STRN3: variants seen among roughly 807,000 people sequenced by gnomAD.
STRN3 encodes the protein striatin-3.
Under a neutral mutation model 95.6 loss-of-function variants are expected in STRN3, and 29 were observed. The ratio of observed to expected loss-of-function variants is 0.30; its 90% CI spans 0.23 to 0.41. The LOEUF is 0.41. Among genes scored for constraint, STRN3 ranks in the 10% least tolerant of loss-of-function variants. The pLI is 1.00. For missense variants in STRN3, 890 were observed against 972.1 expected, an observed-to-expected ratio of 0.92 and a Z score of 1.12; for synonymous variants, 331 against 357.6, an observed-to-expected ratio of 0.93 and a Z score of 0.84.
At chr14:30,925,276 G>C (rs540343032) in intron 8 of STRN3, among the ~76,000 whole-genome samples, 3 of 152,032 alleles carry the variant, frequency 2.0e-5, no homozygotes, top group Non-Finnish European at 4.4e-5. Flanking sequence ...TGGAGTGAAC[G>C]AGTTGGGAGA....
chr14:30,913,479 CCTT>C (rs1896660525), intron 10 of STRN3, 42 bp downstream of exon 10: 4 of 1,506,864 alleles, frequency 2.7e-6, no homozygotes, highest in African/African-American at 1.4e-5. Context: ...AAATAAGGAG[CCTT>C]CTATTAAATC....
At chr14:30,963,350 T>C (rs1054408606) in intron 1 of STRN3, among the ~76,000 whole-genome samples, 1 of 152,176 alleles carries the variant, frequency 6.6e-6, no homozygotes, top group African/African-American at 2.4e-5. Flanking sequence ...ACATCTTAAG[T>C]GCACATGGGA....
At chr14:30,984,270 A>T (rs1377167873) in intron 1 of STRN3, among the ~76,000 whole-genome samples, 1 of 23,508 alleles carries the variant, frequency 4.3e-5, no homozygotes, top group South Asian at 6.5e-4. Context: ...GAATTCTAAA[A>T]AAAAAAAAAA....
At chr14:31,018,810 T>G (rs1039097781) in intron 1 of STRN3, 1 of 438,100 alleles carries the variant, frequency 2.3e-6, no homozygotes, top group Non-Finnish European at 4.4e-6. Context: ...ACTCAGTAAC[T>G]TCAAGCACTA....
At chr14:30,938,985 T>TC (rs1237828289) in intron 5 of STRN3, among the ~76,000 whole-genome samples, 2 of 152,112 alleles carry the variant, frequency 1.3e-5, no homozygotes, top group African/African-American at 4.8e-5. Context: ...GATCCTGAAA[T>TC]AAGTCATAAA....
At chr14:30,943,904 A>C (rs1454395867) in intron 5 of STRN3, among the ~76,000 whole-genome samples, 2 of 152,104 alleles carry the variant, frequency 1.3e-5, no homozygotes, top group Non-Finnish European at 2.9e-5. Flanking sequence ...CTGCTGTTCG[A>C]AAGTTATTGT....
intron 8 of STRN3, among the ~76,000 whole-genome samples, chr14:30,928,004 TCATG>T (rs2139044938): frequency 6.6e-6 from 1 of 150,554 alleles, no homozygotes; most frequent in South Asian, 2.1e-4. Context: ...ACATAGTCAA[TCATG>T]CAAATGTACT....
chr14:31,006,566 G>A (rs1048068249), intron 1 of STRN3, among the ~76,000 whole-genome samples: 4 of 151,970 alleles, frequency 2.6e-5, no homozygotes, highest in Admixed American at 1.3e-4. Context: ...CATGGTGGTG[G>A]GCACCTGTAA....
chr14:30,902,041 C>A (rs1896330889), intron 16 of STRN3, among the ~76,000 whole-genome samples: 1 of 151,618 alleles, frequency 6.6e-6, no homozygotes, highest in South Asian at 2.1e-4. Flanking sequence ...TATGGTGGTG[C>A]ATGCCTGTAA....
At chr14:31,012,913 A>T (rs901097748) in intron 1 of STRN3, among the ~76,000 whole-genome samples, 77 of 151,872 alleles carry the variant, frequency 5.1e-4, no homozygotes, top group African/African-American at 1.7e-3. Flanking sequence ...AAAAAAAAGT[A>T]AGGATGCTCT....
chr14:30,905,660 A>G (rs1018984744), intron 14 of STRN3, 102 bp from the exon 15 acceptor site: 1 of 1,265,888 alleles, frequency 7.9e-7, no homozygotes, highest in African/African-American at 1.5e-5. Flanking sequence ...AGGAATTCAA[A>G]TAGTCTTGAA....
rs535563443 is a variant in STRN3 at position 30,976,101 on chromosome 14, T to G, written c.283-19859A>C. Among the ~76,000 whole-genome samples, 24 of 152,196 alleles carry G rather than the reference T, an allele frequency of 1.6e-4. No individual in the cohort carries two copies. In the South Asian group the frequency reaches 4.8e-3, roughly 30 times the overall value. ...TCACTTTAAATGTGAATTATTTAAA[T>G]AAGCCAATCAAAAGAGACTGTTGTA... On this transcript the variant is annotated intron_variant, in intron 1 of 17. Transcript: ENST00000357479.
At chr14:30,923,838 G>A (rs1342270529) in intron 8 of STRN3, among the ~76,000 whole-genome samples, 1 of 152,066 alleles carries the variant, frequency 6.6e-6, no homozygotes, top group East Asian at 1.9e-4. Flanking sequence ...ATTTTTAGCT[G>A]CTCTCTCATA....
At chr14:30,955,203 T>G (rs568416562) in intron 3 of STRN3, among the ~76,000 whole-genome samples, 2 of 152,150 alleles carry the variant, frequency 1.3e-5, no homozygotes, top group Non-Finnish European at 2.9e-5. Context: ...GCTCTAAAGT[T>G]CTGCTGCTAA....
intron 1 of STRN3, among the ~76,000 whole-genome samples, chr14:31,012,150 C>A (rs1688872900): frequency 6.6e-6 from 1 of 152,220 alleles, no homozygotes; most frequent in South Asian, 2.1e-4. Flanking sequence ...TTTTTGTTAT[C>A]TGAGATATCT....
chr14:30,985,077 G>A (rs553359809), intron 1 of STRN3, among the ~76,000 whole-genome samples: 4 of 152,024 alleles, frequency 2.6e-5, no homozygotes, highest in African/African-American at 9.7e-5. Context: ...AGCACTTTGG[G>A]AGGCCGAGGT....
chr14:30,914,680 G>A (rs373281696), intron 9 of STRN3, among the ~76,000 whole-genome samples: 1 of 108,782 alleles, frequency 9.2e-6, no homozygotes, highest in East Asian at 2.3e-4. Context: ...CTTTGACTAT[G>A]ACTTTTATTT....
intron 1 of STRN3, among the ~76,000 whole-genome samples, chr14:31,009,414 T>TAACCTCCA (rs1164540948): frequency 3.8e-4 from 58 of 152,140 alleles, no homozygotes; most frequent in Non-Finnish European, 7.5e-4. Flanking sequence ...TGCCTCCAAA[T>TAACCTCCA]GTGATAACCA....
intron 8 of STRN3, among the ~76,000 whole-genome samples, chr14:30,927,930 C>CA (rs56216107): frequency 0.25 from 21,308 of 84,216 alleles, 2,570 homozygotes; most frequent in Non-Finnish European, 0.3. Context: ...GAGACTCCGT[C>CA]AAAAAAAAAA....
Sources: allele counts gnomAD v4.1 joint callset (sites outside exome capture counted in the v4.1 genomes callset), GRCh38; gene constraint gnomAD v4.1.1; transcripts MANE v1.5; gene names NCBI Gene and HGNC (gene_info 2026-07-23, HGNC 2026-07-21).